Variants in EIPR1 observed in about 807,000 individuals in gnomAD.
EIPR1 encodes the protein EARP complex and GARP complex interacting protein 1.
EIPR1 carries 25 observed loss-of-function variants against 48.1 expected under a neutral mutation model. That is an observed-to-expected ratio of 0.52 (90% confidence interval 0.38 to 0.73). The LOEUF is 0.73. Among genes scored for constraint, EIPR1 ranks in the 30% least tolerant of loss-of-function variants. EIPR1 has a pLI of 0.00. For synonymous variants in EIPR1, 204 were observed against 201.9 expected (o/e 1.01, Z -0.09); for missense variants, 415 against 506.2 (o/e 0.82, Z 1.73).
chr2:3,333,843 C>T (rs188251721), intron 3 of EIPR1, among the ~76,000 whole-genome samples: 2 of 152,166 alleles, frequency 1.3e-5, no homozygotes, highest in East Asian at 1.9e-4. Flanking sequence ...AACTGTCTTT[C>T]GGAAGGAGGG....
intron 1 of EIPR1, among the ~76,000 whole-genome samples, chr2:3,373,057 G>A (rs910855891): frequency 5.3e-5 from 8 of 152,176 alleles, no homozygotes; most frequent in African/African-American, 1.9e-4. Context: ...TCATCCCTGG[G>A]ATACAAGGCT....
chr2:3,334,336 A>G (rs1411714821), intron 3 of EIPR1, among the ~76,000 whole-genome samples: 1 of 152,248 alleles, frequency 6.6e-6, no homozygotes, highest in Non-Finnish European at 1.5e-5. Context: ...TCTGGATTTA[A>G]TTCATATATG....
chr2:3,368,989 T>C (rs935825455), intron 1 of EIPR1, among the ~76,000 whole-genome samples: 5 of 152,132 alleles, frequency 3.3e-5, no homozygotes, highest in Non-Finnish European at 7.3e-5. Context: ...TATCCTTTCA[T>C]GTAAAGTGTT....
intron 2 of EIPR1, among the ~76,000 whole-genome samples, chr2:3,352,768 C>T (rs1175335913): frequency 6.6e-6 from 1 of 152,124 alleles, no homozygotes; most frequent in Non-Finnish European, 1.5e-5. Context: ...AGGCTGAGGC[C>T]AGCAGATAAC....
In EIPR1 at chr2:3,265,378, T is replaced by C. The variant is rs1667455766; in HGVS notation, c.260-7923A>G. 2.0e-5 allele frequency among the ~76,000 whole-genome samples: 3 copies of C among 152,190 alleles called. No homozygotes were observed. The East Asian group carries it at 5.8e-4, about 29-fold the overall frequency. ...AACAGCACTAAGGAAGAAGCACCCA[T>C]GGGGACATACTCATCAGCTCTGAAA... On this transcript the variant is annotated intron_variant, in intron 3 of 8. Transcript: ENST00000382125.
intron 1 of EIPR1, among the ~76,000 whole-genome samples, chr2:3,361,719 C>G (rs535869566): frequency 6.6e-5 from 10 of 151,928 alleles, no homozygotes; most frequent in Admixed American, 5.9e-4. Context: ...CTCCCTCACA[C>G]GGGCACCTCC....
At chr2:3,294,711 C>T (rs568427076) in intron 3 of EIPR1, among the ~76,000 whole-genome samples, 4,842 of 136,966 alleles carry the variant, frequency 0.035, 97 homozygotes, top group Non-Finnish European at 0.054. Context: ...AGCCCATCCT[C>T]TCTACACACA....
In EIPR1 at chr2:3,365,463, C is replaced by A. The variant is rs1353175052; in HGVS notation, c.43-10830G>T. Among the ~76,000 whole-genome samples, 4 of 150,376 alleles carry A rather than the reference C, an allele frequency of 2.7e-5. No homozygotes were observed. In the East Asian group the frequency reaches 5.8e-4, roughly 22 times the overall value. On this transcript the variant is annotated intron_variant, in intron 1 of 8. Transcript: ENST00000382125. ...CTACAGCCTGGTCAACAGAGCAAGA[C>A]CTTGTCTCAGAAAAAGCTTTTTTTT...
At chr2:3,213,166 A>C (rs1462325213) in intron 5 of EIPR1, among the ~76,000 whole-genome samples, 1 of 152,216 alleles carries the variant, frequency 6.6e-6, no homozygotes, top group Non-Finnish European at 1.5e-5. Flanking sequence ...ATGCTTGCGC[A>C]ATCGCTTTGA....
chr2:3,301,342 C>T (rs1345116101), intron 3 of EIPR1: 1 of 152,248 alleles, frequency 6.6e-6, no homozygotes, highest in Non-Finnish European at 1.5e-5. Flanking sequence ...CCAAGGAGAA[C>T]TGGCCTTCAC....
At position 3,217,751 on chromosome 2, in the gene EIPR1, C is replaced by A. The variant is rs189769700; in HGVS notation, c.417-3503G>T. On this transcript the variant is annotated intron_variant, in intron 4 of 8. Transcript: ENST00000382125. ...GAAACCACGCATCACAAAAAGGCTGCAACCAGCAAGACCCCGCATGGTACC... is the reference window on the plus strand; with the variant it reads ...GAAACCACGCATCACAAAAAGGCTGAAACCAGCAAGACCCCGCATGGTACC... 4.8e-3 allele frequency among the ~76,000 whole-genome samples: 723 copies of A among 152,196 alleles called. 4 individuals are homozygous for A. Among genetic ancestry groups the A allele is most frequent in the Non-Finnish European group, 8.0e-3 (544 of 68,008 alleles).
chr2:3,196,852 T>G, intron 6 of EIPR1, 29 bp downstream of exon 6: 4 of 1,610,034 alleles, frequency 2.5e-6, no homozygotes, highest in Non-Finnish European at 3.4e-6. Context: ...GGAAAGGAAG[T>G]GGGGCCTGCG....
chr2:3,211,696 C>A (rs1665462020), intron 5 of EIPR1, among the ~76,000 whole-genome samples: 1 of 152,242 alleles, frequency 6.6e-6, no homozygotes, highest in Non-Finnish European at 1.5e-5. Context: ...ATGGCTCTCT[C>A]TAGATGGCCA....
intron 5 of EIPR1, chr2:3,207,891 C>T (rs1665291119): frequency 6.6e-6 from 1 of 152,246 alleles, no homozygotes; most frequent in Admixed American, 6.5e-5. Context: ...AACTATGCAA[C>T]TTGGTAAATT....
intron 3 of EIPR1, among the ~76,000 whole-genome samples, chr2:3,306,190 C>T (rs1309294955): frequency 6.6e-6 from 1 of 152,198 alleles, no homozygotes; most frequent in East Asian, 1.9e-4. Context: ...GGCCTGGGTC[C>T]CGCCCCGCCC....
chr2:3,366,920 G>T (rs1043610052), intron 1 of EIPR1, among the ~76,000 whole-genome samples: 10 of 151,946 alleles, frequency 6.6e-5, no homozygotes, highest in Non-Finnish European at 1.5e-4. Context: ...AGGTGTGGTG[G>T]CACACACCCA....
At position 3,273,535 on chromosome 2, in the gene EIPR1, A is replaced by G. The variant is rs1446552732; in HGVS notation, c.260-16080T>C. Among the ~76,000 whole-genome samples, 3 of 152,316 alleles carry G rather than the reference A, an allele frequency of 2.0e-5. No homozygotes were observed. In the East Asian group the frequency reaches 5.8e-4, roughly 29 times the overall value. The stretch of plus-strand genomic sequence containing the variant: ...AGAAAAATGTCACACACACGCAAAA[A>G]AAAACCCACTTGTTTATCTCAGCTA... On this transcript the variant is annotated intron_variant, in intron 3 of 8. Transcript: ENST00000382125.
At chr2:3,294,993 ACACACACACC>A (rs1558279900) in intron 3 of EIPR1, among the ~76,000 whole-genome samples, 2 of 14,544 alleles carry the variant, frequency 1.4e-4, no homozygotes, top group Non-Finnish European at 2.8e-4. Flanking sequence ...CTACACACAC[ACACACACACC>A]CTCCATCCAG....
chr2:3,321,333 GAC>G (rs1572440472), intron 3 of EIPR1, among the ~76,000 whole-genome samples: 1 of 152,186 alleles, frequency 6.6e-6, no homozygotes, highest in East Asian at 1.9e-4. Context: ...TTTAACCGGA[GAC>G]ACACAAGCCG....
Sources: gnomAD v4.1 joint callset for allele counts (sites outside exome capture counted in the v4.1 genomes callset) on GRCh38, gnomAD v4.1.1 for gene constraint, MANE v1.5 for transcripts, NCBI Gene and HGNC (gene_info 2026-07-23, HGNC 2026-07-21) for gene names.